The following CDH13 variants were observed in gnomAD, a reference collection of about 807,000 sequenced individuals.
CDH13 encodes cadherin 13, also known as cadherin-13.
In CDH13, 24 loss-of-function variants were observed where a neutral mutation model predicts 63.8. That is an observed-to-expected ratio of 0.38 (90% CI 0.27 to 0.53). The LOEUF (loss-of-function observed/expected upper bound fraction) is 0.53. Among genes scored for constraint, CDH13 ranks in the 20% least tolerant of loss-of-function variants. The pLI, the probability that CDH13 is intolerant of heterozygous loss-of-function variation, is 0.85. For synonymous variants in CDH13, 503 were observed against 355.3 expected (o/e 1.42, Z -4.67); for missense variants, 1,049 against 903.1 (o/e 1.16, Z -2.07).
At chr16:83,656,889 C>T (rs1912919810) in intron 8 of CDH13, among the ~76,000 whole-genome samples, 1 of 152,120 alleles carries the variant, frequency 6.6e-6, no homozygotes, top group Non-Finnish European at 1.5e-5. Flanking sequence ...CTTTAGGGAT[C>T]GACACTGCTG....
At chr16:83,338,658 G>C (rs1033797909) in intron 5 of CDH13, among the ~76,000 whole-genome samples, 1 of 152,232 alleles carries the variant, frequency 6.6e-6, no homozygotes, top group African/African-American at 2.4e-5. Flanking sequence ...GGCTCTTCTT[G>C]ATATTTGGGC....
chr16:82,952,239 C>G (rs1905398615), intron 2 of CDH13, among the ~76,000 whole-genome samples: 1 of 152,184 alleles, frequency 6.6e-6, no homozygotes, highest in African/African-American at 2.4e-5. Flanking sequence ...TCAAGTGCCA[C>G]TTCTACCTGT....
At chr16:82,856,441 C>T (rs1350939532) in intron 1 of CDH13, among the ~76,000 whole-genome samples, 1 of 148,962 alleles carries the variant, frequency 6.7e-6, no homozygotes, top group African/African-American at 2.5e-5. Context: ...GTGGCTCACG[C>T]CTGTAGTCTT....
At chr16:83,793,329 T>A (rs1916394702) in intron 13 of CDH13, among the ~76,000 whole-genome samples, 1 of 152,182 alleles carries the variant, frequency 6.6e-6, no homozygotes, top group Non-Finnish European at 1.5e-5. Flanking sequence ...AAACCGGATC[T>A]GAGCATCCTA....
intron 7 of CDH13, among the ~76,000 whole-genome samples, chr16:83,562,529 T>C (rs12599874): frequency 0.33 from 49,951 of 152,100 alleles, 8,752 homozygotes; most frequent in East Asian, 0.43. Context: ...TAATCACACA[T>C]AAATCTGCAT....
chr16:83,120,058 C>G (rs1297345644), intron 3 of CDH13, among the ~76,000 whole-genome samples: 1 of 152,066 alleles, frequency 6.6e-6, no homozygotes, highest in Non-Finnish European at 1.5e-5. Context: ...CTTAAGATGC[C>G]CACCGTGACG....
intron 1 of CDH13, among the ~76,000 whole-genome samples, chr16:82,820,359 C>T (rs971608636): frequency 6.6e-6 from 1 of 152,196 alleles, no homozygotes; most frequent in African/African-American, 2.4e-5. Flanking sequence ...AGATACTGTT[C>T]TAAATGCTTC....
chr16:83,591,997 G>A (rs1424844646), intron 7 of CDH13, among the ~76,000 whole-genome samples: 1 of 152,148 alleles, frequency 6.6e-6, no homozygotes, highest in East Asian at 1.9e-4. Context: ...CCTTCTGCAG[G>A]AATCACTGCT....
intron 4 of CDH13, among the ~76,000 whole-genome samples, chr16:83,192,561 TA>T (rs2038752030): frequency 6.6e-6 from 1 of 152,218 alleles, no homozygotes; most frequent in Admixed American, 6.5e-5. Flanking sequence ...AGAAGAAATG[TA>T]AATCCAGAGG....
In CDH13 at chr16:83,003,342, A is replaced by G. The variant is rs550420017; in HGVS notation, c.158-28668A>G. 4.6e-5 allele frequency among the ~76,000 whole-genome samples: 7 copies of G among 151,808 alleles called. No individual in the cohort carries two copies. The South Asian group carries it at 1.2e-3, about 27-fold the overall frequency. ...AATGTTTCAGTAGCTTTGTGACTCC[A>G]GGTAGCATTGCATTGATAATTTATC... On this transcript the variant is annotated intron_variant, in intron 2 of 13. Transcript: ENST00000567109.
chr16:83,080,402 A>G (rs1482379599), intron 3 of CDH13, among the ~76,000 whole-genome samples: 1 of 152,192 alleles, frequency 6.6e-6, no homozygotes, highest in Non-Finnish European at 1.5e-5. Context: ...CAAGAATTAA[A>G]TGAATAAGAA....
rs951218629 is a variant in CDH13 at position 83,754,016 on chromosome 16, C to T, written c.1681+5766C>T. Among the ~76,000 whole-genome samples, 15 of 151,608 alleles carry T rather than the reference C, an allele frequency of 9.9e-5. 1 individual carries two copies. Among genetic ancestry groups the T allele is most frequent in the Admixed American group, 9.9e-4 (15 of 15,188 alleles). On this transcript the variant is annotated intron_variant, in intron 11 of 13. Transcript: ENST00000567109. ...AGTCAGGCTTGGCCCATGCAGAGAG[C>T]CTAGGATGGAGGGAAAGAAATTAGA...
At chr16:83,573,490 C>A (rs935783890) in intron 7 of CDH13, among the ~76,000 whole-genome samples, 5 of 152,188 alleles carry the variant, frequency 3.3e-5, no homozygotes, top group Non-Finnish European at 1.5e-5. Context: ...GCTATCTCTT[C>A]CCTTTTTTGT....
chr16:83,498,256 A>C (rs1432316362), intron 7 of CDH13, among the ~76,000 whole-genome samples: 1 of 152,130 alleles, frequency 6.6e-6, no homozygotes. Context: ...TTGGAGCCAG[A>C]TGGACTTGTT....
intron 1 of CDH13, among the ~76,000 whole-genome samples, chr16:82,691,362 AG>A (rs1344584185): frequency 6.6e-6 from 1 of 152,198 alleles, no homozygotes; most frequent in East Asian, 1.9e-4. Context: ...AGCATGTGGC[AG>A]GTGGGACTTG....
At chr16:83,501,398 C>G (rs374814854) in intron 7 of CDH13, among the ~76,000 whole-genome samples, 1 of 152,132 alleles carries the variant, frequency 6.6e-6, no homozygotes, top group Non-Finnish European at 1.5e-5. Context: ...TCTCAGAGTC[C>G]TAAATTCAGG....
chr16:82,819,796 A>C (rs1335579314), intron 1 of CDH13, among the ~76,000 whole-genome samples: 1 of 152,242 alleles, frequency 6.6e-6, no homozygotes, highest in Non-Finnish European at 1.5e-5. Flanking sequence ...TAAATACGGC[A>C]AAGATCCCTA....
chr16:83,786,422 G>C (rs1257757648), intron 13 of CDH13, among the ~76,000 whole-genome samples: 3 of 152,146 alleles, frequency 2.0e-5, no homozygotes, highest in Non-Finnish European at 4.4e-5. Context: ...TTGTGCTCTA[G>C]ATTACGACTT....
intron 2 of CDH13, among the ~76,000 whole-genome samples, chr16:82,870,488 G>A (rs2040306023): frequency 6.6e-6 from 1 of 152,224 alleles, no homozygotes; most frequent in Middle Eastern, 3.4e-3. Context: ...AGAAAGGGCT[G>A]GAAGGGTCCT....
Sources: gnomAD v4.1 joint callset for allele counts (sites outside exome capture counted in the v4.1 genomes callset) on GRCh38, gnomAD v4.1.1 for gene constraint, MANE v1.5 for transcripts, NCBI Gene and HGNC (gene_info 2026-07-23, HGNC 2026-07-21) for gene names.